The following CASR variants were observed in gnomAD, a reference collection of about 807,000 sequenced individuals.
CASR encodes the protein extracellular calcium-sensing receptor.
In CASR, 23 loss-of-function variants were observed where a neutral mutation model predicts 69.1. The ratio of observed to expected loss-of-function variants is 0.33; its 90% CI spans 0.24 to 0.47. CASR has a LOEUF of 0.47. Ranked by LOEUF, CASR falls within the 20% of genes least tolerant of loss-of-function variation. CASR has a pLI of 1.00. For synonymous variants in CASR, 541 were observed against 544.7 expected, an observed-to-expected ratio of 0.99 and a Z score of 0.10; for missense variants, 924 against 1,356.1, an observed-to-expected ratio of 0.68 and a Z score of 5.00.
chr3:122,257,505 A>G (rs546493932), intron 3 of CASR, 118 bp downstream of exon 3: 16 of 715,686 alleles, frequency 2.2e-5, no homozygotes, highest in Non-Finnish European at 3.3e-5. Context: ...CAAAAGACCT[A>G]TGATTTAGTT....
At chr3:122,188,477 A>G (rs2073808293) in intron 1 of CASR, among the ~76,000 whole-genome samples, 1 of 151,680 alleles carries the variant, frequency 6.6e-6, no homozygotes, top group Non-Finnish European at 1.5e-5. Context: ...AAGTGCTTGT[A>G]TACAGAGAAC....
chr3:122,280,177 C>G (rs994545975), intron 5 of CASR, among the ~76,000 whole-genome samples: 7 of 152,184 alleles, frequency 4.6e-5, no homozygotes, highest in Non-Finnish European at 7.3e-5. Flanking sequence ...ATGTTAAAAA[C>G]TCTAAATAAA....
chr3:122,201,043 C>T (rs1314230793), intron 1 of CASR, among the ~76,000 whole-genome samples: 4 of 113,840 alleles, frequency 3.5e-5, no homozygotes, highest in African/African-American at 1.0e-4. Context: ...GGGTGTTTCT[C>T]GCAGAGGGGG....
Position 122,283,819 on chromosome 3 carries a change from TG to T in CASR, c.1868del (p.Gly623AlafsTer4), listed in dbSNP as rs2074923990. The T allele has an allele frequency of 6.2e-7, 1 of 1,614,050 alleles. No individual in the cohort carries two copies. The highest frequency in any genetic ancestry group is 1.7e-5 in the Admixed American group (1 of 60,010). On this transcript the variant is annotated frameshift_variant, in exon 7 of 7. Coordinates refer to ENST00000639785, the MANE Select transcript of CASR (RefSeq NM_000388.4). LOFTEE classifies it high-confidence loss of function. The part of the protein sequence containing the change: ...FGIALTLFAV[L>X]GIFLTAFVLG... ...ATCGCACTCACCCTCTTTGCCGTGC[TG>T]GGCATTTTCCTGACAGCCTTTGTGC...
rs771186654 is a variant in CASR at position 122,275,883 on chromosome 3, T to G, written c.1449T>G (p.Gly483=). ...MGEQVTFDEC[G]DLVGNYSIIN... is the part of the protein sequence containing the mutation. ...AGCAGGTGACCTTTGATGAGTGTGG[T>G]GACCTGGTGGGGAACTATTCCATCA... The change falls in exon 5 of 7, where the codon GGT becomes GGG. Residue 483 remains glycine (G), a synonymous_variant. Coordinates refer to ENST00000639785, the MANE Select transcript of CASR (RefSeq NM_000388.4). The G allele has an allele frequency of 6.8e-6, 11 of 1,614,064 alleles. No homozygotes were observed. The highest frequency in any genetic ancestry group is 9.3e-6 in the Non-Finnish European group (11 of 1,180,020).
intron 1 of CASR, among the ~76,000 whole-genome samples, chr3:122,241,333 GA>G (rs1231736635): frequency 6.6e-6 from 1 of 151,828 alleles, no homozygotes; most frequent in East Asian, 1.9e-4. Context: ...TAAAATCAGA[GA>G]TGAAAAAGGA....
At chr3:122,250,031 C>T (rs755349082) in intron 1 of CASR, among the ~76,000 whole-genome samples, 4 of 152,192 alleles carry the variant, frequency 2.6e-5, no homozygotes, top group Non-Finnish European at 4.4e-5. Context: ...ATAGAGGAAG[C>T]GGGGAGAAGG....
intron 1 of CASR, among the ~76,000 whole-genome samples, chr3:122,230,370 C>T (rs549521123): frequency 1.4e-4 from 21 of 152,360 alleles, no homozygotes; most frequent in African/African-American, 5.0e-4. Context: ...CCGCCACATC[C>T]GGGGTGAAAA....
intron 1 of CASR, among the ~76,000 whole-genome samples, chr3:122,217,431 T>C (rs11717321): frequency 0.72 from 109,925 of 151,760 alleles, 40,045 homozygotes; most frequent in Admixed American, 0.82. Context: ...GGTATGTAGC[T>C]GATGGTACCC....
intron 6 of CASR, among the ~76,000 whole-genome samples, chr3:122,282,830 T>A (rs36061335): frequency 6.6e-6 from 1 of 152,230 alleles, no homozygotes. Context: ...GTGATGGGGT[T>A]ATTGCTGCTC....
intron 1 of CASR, among the ~76,000 whole-genome samples, chr3:122,213,486 T>C (rs942750862): frequency 6.6e-6 from 1 of 152,188 alleles, no homozygotes; most frequent in Non-Finnish European, 1.5e-5. Context: ...ATGGCTTCAT[T>C]ACCAAGCTTT....
At chr3:122,194,528 G>T (rs1247308471) in intron 1 of CASR, among the ~76,000 whole-genome samples, 1 of 152,070 alleles carries the variant, frequency 6.6e-6, no homozygotes. Flanking sequence ...AATAGGCCAG[G>T]TTTCACCCTT....
rs2074991692 is a variant in CASR, at chr3:122,289,191, C to G, written c.*4000C>G. 2 of 152,180 alleles carry G rather than the reference C, an allele frequency of 1.3e-5. No homozygotes were observed. Among genetic ancestry groups the G allele is most frequent in the East Asian group, 3.9e-4 (2 of 5,194 alleles). The allele number at this position is 152,180 out of a possible 1,614,324, so 9.4% of individuals were successfully genotyped here. ...AATTATTGCTACAAGAATAATGGAA[C>G]ATCAATAAGGGGTGCTAATCACCGG... On this transcript the variant is annotated 3_prime_UTR_variant, in exon 7 of 7. Transcript: ENST00000639785.
At position 122,262,263 on chromosome 3, in the gene CASR, G is replaced by T; in HGVS notation, c.1228G>T (p.Asp410Tyr). ...NISSVETPYI[D>Y]YTHLRISYNV... ...CAGCAGTGTCGAGACCCCTTACATA[G>T]ATTACACGCATTTACGGATATCCTA... is the stretch of plus-strand genomic sequence containing the variant. The change falls in exon 4 of 7, where the codon GAT becomes TAT. Residue 410 changes from aspartate (D) to tyrosine (Y), a missense_variant. Asp to Tyr is a radical substitution (Grantham distance 160). Transcript: ENST00000639785. 6.2e-7 allele frequency: 1 copy of T among 1,614,164 alleles called. No individual in the cohort carries two copies. Among genetic ancestry groups the T allele is most frequent in the Non-Finnish European group, 8.5e-7 (1 of 1,180,032 alleles).
At chr3:122,276,080 A>G (rs753432681) in intron 5 of CASR, 38 bp downstream of exon 5, 11 of 1,346,458 alleles carry the variant, frequency 8.2e-6, no homozygotes, top group Non-Finnish European at 9.6e-6. Flanking sequence ...TGTCTCCACC[A>G]GGGGCAGGAA....
At chr3:122,217,852 T>A (rs2074132564) in intron 1 of CASR, among the ~76,000 whole-genome samples, 1 of 152,140 alleles carries the variant, frequency 6.6e-6, no homozygotes, top group South Asian at 2.1e-4. Flanking sequence ...ATTTTTGGTG[T>A]TATTAATACA....
At chr3:122,195,417 T>C (rs950406316) in intron 1 of CASR, among the ~76,000 whole-genome samples, 2 of 152,230 alleles carry the variant, frequency 1.3e-5, no homozygotes, top group Non-Finnish European at 2.9e-5. Context: ...TTCTGACCCA[T>C]ATTTATGAAC....
chr3:122,211,276 G>A (rs2074062496), intron 1 of CASR, among the ~76,000 whole-genome samples: 1 of 152,138 alleles, frequency 6.6e-6, no homozygotes, highest in Non-Finnish European at 1.5e-5. Flanking sequence ...CACAGCAAAA[G>A]AAACTATCGT....
intron 1 of CASR, among the ~76,000 whole-genome samples, chr3:122,221,986 C>T (rs1345125858): frequency 6.6e-6 from 1 of 152,212 alleles, no homozygotes; most frequent in East Asian, 1.9e-4. Context: ...ACTGAATCTA[C>T]ACATCTATTC....
Sources: gnomAD v4.1 joint callset for allele counts (sites outside exome capture counted in the v4.1 genomes callset) on GRCh38, gnomAD v4.1.1 for gene constraint, MANE v1.5 for transcripts, NCBI Gene and HGNC (gene_info 2026-07-23, HGNC 2026-07-21) for gene names.